FBXO21: variants seen among roughly 807,000 people sequenced by gnomAD.
FBXO21 encodes the protein F-box protein 21.
A neutral mutation model predicts 76.6 loss-of-function variants in FBXO21; 32 were observed. That is an observed-to-expected ratio of 0.42 (90% CI 0.32 to 0.56). The LOEUF is 0.56. Ranked by LOEUF, FBXO21 falls within the 20% of genes least tolerant of loss-of-function variation. The pLI is 0.16. For missense variants in FBXO21, 586 were observed against 797.3 expected, an observed-to-expected ratio of 0.73 and a Z score of 3.19; for synonymous variants, 328 against 311.5, an observed-to-expected ratio of 1.05 and a Z score of -0.56.
chr12:117,182,351 A>C (rs575126277), intron 3 of FBXO21, among the ~76,000 whole-genome samples: 1 of 152,238 alleles, frequency 6.6e-6, no homozygotes, highest in South Asian at 2.1e-4. Context: ...TTAGCCAGGC[A>C]TGATGGTACA....
intron 5 of FBXO21, 106 bp downstream of exon 5, chr12:117,174,545 T>C: frequency 1.5e-6 from 2 of 1,376,038 alleles, no homozygotes; most frequent in Non-Finnish European, 1.0e-6. Context: ...CGTCATTTTA[T>C]CACTTTTTCA....
intron 11 of FBXO21, among the ~76,000 whole-genome samples, chr12:117,147,016 G>A (rs1955778559): frequency 6.6e-6 from 1 of 151,838 alleles, no homozygotes; most frequent in Non-Finnish European, 1.5e-5. Context: ...GCTGAGGCGG[G>A]AGAATCACCT....
intron 2 of FBXO21, 26 bp from the exon 3 acceptor site, chr12:117,186,597 GC>G: frequency 6.8e-7 from 1 of 1,467,756 alleles, no homozygotes; most frequent in Non-Finnish European, 9.5e-7. Flanking sequence ...ATACAAGTAG[GC>G]CTCAATTATG....
At chr12:117,182,409 G>A (rs1475024223) in intron 3 of FBXO21, among the ~76,000 whole-genome samples, 1 of 151,900 alleles carries the variant, frequency 6.6e-6, no homozygotes, top group African/African-American at 2.4e-5. Flanking sequence ...AGGATCCCCT[G>A]AACACAGGAT....
chr12:117,178,378 C>T (rs1404856290), intron 3 of FBXO21, among the ~76,000 whole-genome samples: 1 of 152,166 alleles, frequency 6.6e-6, no homozygotes, highest in Non-Finnish European at 1.5e-5. Flanking sequence ...CATCCTCCTA[C>T]CTCAGCTTCC....
chr12:117,147,972 C>A (rs911035517), intron 11 of FBXO21, among the ~76,000 whole-genome samples: 1 of 152,230 alleles, frequency 6.6e-6, no homozygotes, highest in Non-Finnish European at 1.5e-5. Flanking sequence ...GATGGGCTCA[C>A]CGACACGAAC....
Position 117,146,125 on chromosome 12 carries a change from T to G in FBXO21, c.1828A>C (p.Asn610His). ...DLEFVYETVQNIYSAKKENID... is the reference protein window; with the variant it reads ...DLEFVYETVQHIYSAKKENID... ...TTCTCTTTCTTTGCACTGTAAATATTCTGCACCGTTTCATAGACAAACTCC... is the reference window on the plus strand; with the variant it reads ...TTCTCTTTCTTTGCACTGTAAATATGCTGCACCGTTTCATAGACAAACTCC... Residue 610 changes from asparagine (N) to histidine (H), a missense_variant, in exon 12 of 12, where the codon AAT becomes CAT. Asn to His is a moderately conservative substitution (Grantham distance 68). This residue lies in a region of FBXO21 where 164 missense variants were observed against 236.7 expected (regional missense o/e 0.69). Transcript: ENST00000622495. 1 of 1,612,592 alleles carries G rather than the reference T, an allele frequency of 6.2e-7. No individual in the cohort carries two copies. The highest frequency in any genetic ancestry group is 8.5e-7 in the Non-Finnish European group (1 of 1,179,470).
intron 1 of FBXO21, 28 bp from the exon 2 acceptor site, chr12:117,189,390 T>C (rs777278679): frequency 3.7e-6 from 6 of 1,613,368 alleles, no homozygotes; most frequent in Admixed American, 1.7e-5. Context: ...CCCCCTCAGC[T>C]TAACAGAAAC....
intron 9 of FBXO21, among the ~76,000 whole-genome samples, 153 bp downstream of exon 9, chr12:117,165,331 TA>T (rs199827304): frequency 1.3e-5 from 2 of 151,288 alleles, no homozygotes; most frequent in African/African-American, 2.4e-5. Context: ...ATAAGAGAAG[TA>T]AAAAAAAATC....
intron 3 of FBXO21, 125 bp downstream of exon 3, chr12:117,186,352 C>T (rs1055636670): frequency 2.8e-6 from 2 of 706,950 alleles, no homozygotes; most frequent in Non-Finnish European, 4.9e-6. Flanking sequence ...CTTTTCAAAA[C>T]TGTAACTATG....
At chr12:117,177,001 T>C (rs893391715) in intron 4 of FBXO21, among the ~76,000 whole-genome samples, 1 of 152,214 alleles carries the variant, frequency 6.6e-6, no homozygotes, top group African/African-American at 2.4e-5. Context: ...TTTGTTCCTG[T>C]TCAACTTAAT....
chr12:117,168,655 T>C (rs1297567208), intron 7 of FBXO21, among the ~76,000 whole-genome samples: 2 of 152,122 alleles, frequency 1.3e-5, no homozygotes, highest in Non-Finnish European at 2.9e-5. Context: ...TAAGGACAAA[T>C]GTACAAAAAT....
chr12:117,157,184 G>GA (rs890181914), intron 10 of FBXO21, among the ~76,000 whole-genome samples: 46 of 112,816 alleles, frequency 4.1e-4, no homozygotes, highest in African/African-American at 6.1e-4. Flanking sequence ...TGTCTCCAAA[G>GA]AAAAAAAAAA....
At chr12:117,155,753 C>A in intron 11 of FBXO21, 38 bp downstream of exon 11, 1 of 1,589,152 alleles carries the variant, frequency 6.3e-7, no homozygotes, top group East Asian at 2.3e-5. Flanking sequence ...GAAAACACGC[C>A]CGCGGGGCCA....
At chr12:117,160,628 G>T (rs537399602) in intron 9 of FBXO21, among the ~76,000 whole-genome samples, 1 of 152,166 alleles carries the variant, frequency 6.6e-6, no homozygotes, top group South Asian at 2.1e-4. Flanking sequence ...ATGAAGTTCT[G>T]CCACATTTTT....
intron 6 of FBXO21, among the ~76,000 whole-genome samples, chr12:117,174,002 G>A (rs1023463081): frequency 7.9e-5 from 12 of 152,086 alleles, no homozygotes; most frequent in Non-Finnish European, 1.6e-4. Context: ...AATTAGCCGG[G>A]TGTGGTGGCA....
rs1386754796 is a variant in FBXO21, at chr12:117,190,162, C to T, written c.239+56G>A. The T allele has an allele frequency of 3.9e-6, 4 of 1,019,670 alleles. No individual in the cohort carries two copies. In the African/African-American group the frequency reaches 6.9e-5, roughly 18 times the overall value. 63.2% of individuals were successfully genotyped at this position (1,019,670 alleles called of 1,614,324 possible). ...GGGAGCTAGCGGGGCGGCTGCCCGG[C>T]CCCGGGGGGCGCGGGGCGGTGGGCG... is the stretch of plus-strand genomic sequence containing the variant. On this transcript the variant is annotated intron_variant, in intron 1 of 11. Transcript: ENST00000622495.
intron 3 of FBXO21, among the ~76,000 whole-genome samples, chr12:117,180,575 C>T (rs922615497): frequency 1.3e-5 from 2 of 152,070 alleles, no homozygotes; most frequent in African/African-American, 4.8e-5. Flanking sequence ...TTCCACATCT[C>T]TCTCTCATAC....
rs1353533597 is a variant in FBXO21 at position 117,142,334 on chromosome 12, T to C, written c.*3753A>G. ...TGGGTTTCCCCTTTATACAGTGGAATGCTAAGTGCCTACACCCTAGCCGGG... is the reference window on the plus strand; with the variant it reads ...TGGGTTTCCCCTTTATACAGTGGAACGCTAAGTGCCTACACCCTAGCCGGG... On this transcript the variant is annotated 3_prime_UTR_variant, in exon 12 of 12. Coordinates refer to ENST00000622495, the MANE Select transcript of FBXO21 (RefSeq NM_015002.3). 1 of 152,266 alleles carries C rather than the reference T, an allele frequency of 6.6e-6. No homozygotes were observed. The highest frequency in any genetic ancestry group is 1.5e-5 in the Non-Finnish European group (1 of 68,032). The allele number at this position is 152,266 out of a possible 1,614,324, so 9.4% of individuals were successfully genotyped here.
Sources: allele counts gnomAD v4.1 joint callset (sites outside exome capture counted in the v4.1 genomes callset), GRCh38; gene constraint gnomAD v4.1.1; regional missense constraint gnomAD v4.1.1; transcripts MANE v1.5; gene names NCBI Gene and HGNC (gene_info 2026-07-23, HGNC 2026-07-21).